ICOS: variants seen among roughly 807,000 people sequenced by gnomAD.
ICOS encodes inducible T cell costimulator, also known as inducible T-cell costimulator.
ICOS carries 15 observed loss-of-function variants against 24.6 expected under a neutral mutation model. The ratio of observed to expected loss-of-function variants is 0.61; its 90% CI spans 0.41 to 0.94. The LOEUF (loss-of-function observed/expected upper bound fraction) is 0.94. Among genes scored for constraint, ICOS ranks in the 40% least tolerant of loss-of-function variants. The pLI is 0.00. For synonymous variants in ICOS, 89 were observed against 77.5 expected (o/e 1.15, Z -0.78); for missense variants, 200 against 233.0 (o/e 0.86, Z 0.92).
At position 203,960,059 on chromosome 2, in the gene ICOS, C is replaced by A; in HGVS notation, c.*460C>A. The A allele has an allele frequency of 3.5e-6, 1 of 286,116 alleles. No individual in the cohort carries two copies. Among genetic ancestry groups the A allele is most frequent in the Non-Finnish European group, 6.8e-6 (1 of 146,858 alleles). 17.7% of individuals were successfully genotyped at this position (286,116 alleles called of 1,614,324 possible). A position where few individuals can be genotyped will look rare whatever the true frequency, so the allele number is the denominator to read the frequency against. ...TAGGGATGAGAATTCCTCTTTTAAT[C>A]AGTCAAGGGAGATGCTTCAAAGCTG... On this transcript the variant is annotated 3_prime_UTR_variant, in exon 5 of 5. Coordinates refer to ENST00000316386, the MANE Select transcript of ICOS (RefSeq NM_012092.4).
At chr2:203,958,558 C>T (rs150195849) in intron 4 of ICOS, among the ~76,000 whole-genome samples, 20 of 152,176 alleles carry the variant, frequency 1.3e-4, no homozygotes, top group South Asian at 2.1e-4. Context: ...CCTTGAGGTT[C>T]GAATGATGTG....
At chr2:203,945,778 G>A (rs535376542) in intron 1 of ICOS, among the ~76,000 whole-genome samples, 6 of 152,176 alleles carry the variant, frequency 3.9e-5, no homozygotes, top group Non-Finnish European at 8.8e-5. Flanking sequence ...TTTATGCAGC[G>A]CATGACTGTA....
intron 3 of ICOS, among the ~76,000 whole-genome samples, chr2:203,957,455 G>C (rs1690097252): frequency 6.6e-6 from 1 of 152,184 alleles, no homozygotes; most frequent in South Asian, 2.1e-4. Context: ...GAGTATGCTA[G>C]TACTCAAGTA....
chr2:203,940,941 G>A (rs1282481197), intron 1 of ICOS, among the ~76,000 whole-genome samples: 1 of 151,982 alleles, frequency 6.6e-6, no homozygotes, highest in Non-Finnish European at 1.5e-5. Flanking sequence ...CCGCCACCAC[G>A]CCTGGCTAAT....
rs1482363570 is a variant in ICOS, at chr2:203,956,053, A to G, written c.394+82A>G. The G allele has an allele frequency of 4.4e-6, 4 of 915,032 alleles. No homozygotes were observed. In the East Asian group the frequency reaches 1.0e-4, roughly 24 times the overall value. The allele number at this position is 915,032 out of a possible 1,614,324, so 56.7% of individuals were successfully genotyped here. A position where few individuals can be genotyped will look rare whatever the true frequency, so the allele number is the denominator to read the frequency against. Reference sequence around the variant, plus strand: ...TTCTCACTAATAAAATCAATTAGACAAATAAATATCTTTTGTGTTGGAGTT... The same window carrying G: ...TTCTCACTAATAAAATCAATTAGACGAATAAATATCTTTTGTGTTGGAGTT... On this transcript the variant is annotated intron_variant, in intron 2 of 4. Transcript: ENST00000316386.
chr2:203,951,332 T>C (rs551113832), intron 1 of ICOS, among the ~76,000 whole-genome samples: 137 of 152,336 alleles, frequency 9.0e-4, no homozygotes, highest in African/African-American at 3.0e-3. Flanking sequence ...AAGAATTAGC[T>C]CTCTCAGTTG....
chr2:203,947,700 T>C (rs533212783), intron 1 of ICOS, among the ~76,000 whole-genome samples: 1 of 152,188 alleles, frequency 6.6e-6, no homozygotes, highest in Admixed American at 6.5e-5. Context: ...ATGAAGAAAA[T>C]ATAGTACCTG....
chr2:203,950,560 A>G (rs775571031), intron 1 of ICOS, among the ~76,000 whole-genome samples: 26 of 152,210 alleles, frequency 1.7e-4, no homozygotes, highest in Non-Finnish European at 2.9e-4. Context: ...TATCTGTTCT[A>G]TATCTGCCAA....
At chr2:203,938,760 C>T (rs10932030) in intron 1 of ICOS, among the ~76,000 whole-genome samples, 143,682 of 152,250 alleles carry the variant, frequency 0.94, 68,180 homozygotes, top group East Asian at 1. Context: ...ATTAAGCTGA[C>T]GAATAATTTG....
At chr2:203,949,410 C>T (rs1443288203) in intron 1 of ICOS, among the ~76,000 whole-genome samples, 1 of 152,160 alleles carries the variant, frequency 6.6e-6, no homozygotes, top group African/African-American at 2.4e-5. Flanking sequence ...AGCTGTGTGA[C>T]CTCGGGCAAA....
intron 3 of ICOS, among the ~76,000 whole-genome samples, chr2:203,957,527 A>G (rs923905004): frequency 6.6e-6 from 1 of 152,216 alleles, no homozygotes; most frequent in Non-Finnish European, 1.5e-5. Flanking sequence ...GGAAAGAGAC[A>G]TAAAGAAGGA....
At position 203,960,824 on chromosome 2, in the gene ICOS, G is replaced by T. The variant is rs900358151; in HGVS notation, c.*1225G>T. 3 of 152,200 alleles carry T rather than the reference G, an allele frequency of 2.0e-5. No individual in the cohort carries two copies. Among genetic ancestry groups the T allele is most frequent in the Admixed American group, 2.0e-4 (3 of 15,282 alleles). The allele number at this position is 152,200 out of a possible 1,614,324, so 9.4% of individuals were successfully genotyped here. A position where few individuals can be genotyped will look rare whatever the true frequency, so the allele number is the denominator to read the frequency against. Reference sequence around the variant, plus strand: ...CCACTAGGTATTCTTGCTCCCAGAGGCTGAAGTCACCCTGGGAATCACAGT... The same window carrying T: ...CCACTAGGTATTCTTGCTCCCAGAGTCTGAAGTCACCCTGGGAATCACAGT... On this transcript the variant is annotated 3_prime_UTR_variant, in exon 5 of 5. Transcript: ENST00000316386.
chr2:203,956,602 A>G (rs376419756), intron 2 of ICOS, 57 bp from the exon 3 acceptor site: 3 of 1,170,580 alleles, frequency 2.6e-6, no homozygotes. Flanking sequence ...TAAATTTGGT[A>G]AGAGAACTTG....
intron 1 of ICOS, among the ~76,000 whole-genome samples, chr2:203,954,534 A>G (rs927356500): frequency 2.0e-5 from 3 of 152,154 alleles, no homozygotes; most frequent in African/African-American, 7.2e-5. Flanking sequence ...GGCTACAACG[A>G]GCTAGGATCA....
intron 1 of ICOS, among the ~76,000 whole-genome samples, chr2:203,940,224 T>A (rs2105743907): frequency 6.6e-6 from 1 of 152,304 alleles, no homozygotes; most frequent in South Asian, 2.1e-4. Flanking sequence ...CCTTTCCCAC[T>A]CTCACACTTC....
At chr2:203,957,718 A>C in intron 3 of ICOS, 81 bp from the exon 4 acceptor site, 2 of 1,074,448 alleles carry the variant, frequency 1.9e-6, no homozygotes, top group Non-Finnish European at 2.9e-6. Flanking sequence ...ATACCACTTC[A>C]ACAAAGAATA....
chr2:203,958,964 G>T (rs80012122), intron 4 of ICOS, among the ~76,000 whole-genome samples: 9,526 of 152,216 alleles, frequency 0.063, 373 homozygotes, highest in Non-Finnish European at 0.075. Context: ...GGGTGAGGGG[G>T]CAGGGAGAGT....
At chr2:203,942,417 A>G (rs1351302053) in intron 1 of ICOS, among the ~76,000 whole-genome samples, 1 of 152,200 alleles carries the variant, frequency 6.6e-6, no homozygotes, top group Non-Finnish European at 1.5e-5. Flanking sequence ...TGATGGGAAA[A>G]TCATTAAGAA....
rs56167571 is a variant in ICOS at position 203,937,083 on chromosome 2, A to C, written c.58+211A>C. ...GCTGCCTTTGATACTGTGTCTTGAGATGAAAAACATGTTTCATCAGACCAT... is the reference window on the plus strand; with the variant it reads ...GCTGCCTTTGATACTGTGTCTTGAGCTGAAAAACATGTTTCATCAGACCAT... On this transcript the variant is annotated intron_variant, in intron 1 of 4. Transcript: ENST00000316386. Among the ~76,000 whole-genome samples the C allele has an allele frequency of 3.9e-5, 6 of 152,102 alleles. No homozygotes were observed. In the South Asian group the frequency reaches 1.2e-3, roughly 32 times the overall value.
Sources: allele counts gnomAD v4.1 joint callset (sites outside exome capture counted in the v4.1 genomes callset), GRCh38; gene constraint gnomAD v4.1.1; transcripts MANE v1.5; gene names NCBI Gene and HGNC (gene_info 2026-07-23, HGNC 2026-07-21).